Variants in RBM34 observed in about 807,000 individuals in gnomAD.
RBM34 encodes the protein RNA-binding protein 34.
Under a neutral mutation model 44.6 loss-of-function variants are expected in RBM34, and 39 were observed. That is an observed-to-expected ratio of 0.87 (90% CI 0.68 to 1.14). The LOEUF is 1.14. RBM34 is among the 50% of genes most tolerant of loss of function. The pLI is 0.00. For synonymous variants in RBM34, 194 were observed against 184.0 expected (o/e 1.05, Z -0.44); for missense variants, 572 against 517.9 (o/e 1.10, Z -1.01).
Position 235,160,929 on chromosome 1 carries a change from C to G in RBM34, c.192G>C (p.Glu64Asp). 6.2e-7 allele frequency: 1 copy of G among 1,614,156 alleles called. No homozygotes were observed. Residue 64 changes from glutamate to aspartate, a missense_variant, in exon 2 of 11, where the codon GAG (glutamate) becomes GAC (aspartate). Coordinates refer to ENST00000408888, the MANE Select transcript of RBM34 (RefSeq NM_015014.4). Reference sequence around the variant, plus strand: ...GCACGTACACGGGTTGAATCTGGGGCTCCAGAGAACTGAAGAGGGACGCCA... The same window carrying G: ...GCACGTACACGGGTTGAATCTGGGGGTCCAGAGAACTGAAGAGGGACGCCA... The part of the protein sequence containing the change: ...GRLASLFSSL[E>D]PQIQPVYVPV...
intron 6 of RBM34, among the ~76,000 whole-genome samples, chr1:235,147,069 A>G (rs939663872): frequency 1.3e-5 from 2 of 152,184 alleles, no homozygotes; most frequent in African/African-American, 4.8e-5. Context: ...TGTGTCTACA[A>G]TAAAATAAAA....
rs549912946 is a variant in RBM34 at position 235,161,205 on chromosome 1, T to C, written c.22A>G (p.Lys8Glu). MALEGMSKRKRKRSVQEG... is the reference protein window; with the variant it reads MALEGMSERKRKRSVQEG... ...TGGACACTTCTCTTTCTCTTCCGTT[T>C]GCTCATCCCTTCCAAGGCCATTCTT... The change falls in exon 1 of 11, where the codon AAA becomes GAA. Residue 8 changes from lysine to glutamate, a missense_variant. Lys to Glu is a moderately conservative substitution (Grantham distance 56, BLOSUM62 1). Coordinates refer to ENST00000408888, the MANE Select transcript of RBM34 (RefSeq NM_015014.4). 9 of 1,611,018 alleles carry C rather than the reference T, an allele frequency of 5.6e-6. No individual in the cohort carries two copies. In the East Asian group the frequency reaches 1.8e-4, roughly 32 times the overall value.
At chr1:235,149,690 G>A (rs917802748) in intron 5 of RBM34, among the ~76,000 whole-genome samples, 1 of 152,232 alleles carries the variant, frequency 6.6e-6, no homozygotes, top group East Asian at 1.9e-4. Flanking sequence ...AGAAATACAC[G>A]TCAACAACTA....
intron 6 of RBM34, among the ~76,000 whole-genome samples, chr1:235,140,405 C>T (rs1354292444): frequency 6.6e-6 from 1 of 152,312 alleles, no homozygotes; most frequent in African/African-American, 2.4e-5. Context: ...CAGGCCCTGC[C>T]GGCCCCGGGC....
chr1:235,155,935 T>C (rs1662424610), intron 3 of RBM34, among the ~76,000 whole-genome samples: 1 of 141,916 alleles, frequency 7.0e-6, no homozygotes, highest in African/African-American at 2.7e-5. Flanking sequence ...AGTGGCGCAA[T>C]CTCGGCTCAC....
chr1:235,132,427 A>C (rs776036526), intron 10 of RBM34, among the ~76,000 whole-genome samples: 10 of 151,576 alleles, frequency 6.6e-5, no homozygotes, highest in Non-Finnish European at 1.5e-4. Flanking sequence ...TCTTGCCTCA[A>C]CCTCTCAAGT....
At chr1:235,132,165 C>T (rs1661230599) in intron 10 of RBM34, among the ~76,000 whole-genome samples, 168 bp from the exon 11 acceptor site, 1 of 152,124 alleles carries the variant, frequency 6.6e-6, no homozygotes, top group African/African-American at 2.4e-5. Flanking sequence ...CATCACCATG[C>T]TCGTCACCAG....
In RBM34 at chr1:235,131,656, A is replaced by G; in HGVS notation, c.*57T>C. ...GAATAGCAGACGATGCTATCAGCAG[A>G]TAATAGCACTTTTATTAGCAGTACT... is the stretch of plus-strand genomic sequence containing the variant. On this transcript the variant is annotated 3_prime_UTR_variant, in exon 11 of 11. Transcript: ENST00000408888. 1 of 1,497,742 alleles carries G rather than the reference A, an allele frequency of 6.7e-7. No individual in the cohort carries two copies. Among genetic ancestry groups the G allele is most frequent in the Non-Finnish European group, 9.0e-7 (1 of 1,112,462 alleles). 92.8% of individuals were successfully genotyped at this position (1,497,742 alleles called of 1,614,324 possible).
At chr1:235,138,270 C>G in intron 6 of RBM34, 96 bp from the exon 7 acceptor site, 2 of 885,690 alleles carry the variant, frequency 2.3e-6, no homozygotes, top group South Asian at 3.5e-5. Flanking sequence ...GTTTTCAACT[C>G]TTAACACACA....
intron 10 of RBM34, among the ~76,000 whole-genome samples, chr1:235,134,715 G>A (rs1190574854): frequency 1.3e-5 from 2 of 151,412 alleles, no homozygotes; most frequent in Non-Finnish European, 2.9e-5. Context: ...ATATATTATG[G>A]CAGGTTATAA....
chr1:235,149,751 G>GA (rs2102850485), intron 5 of RBM34, among the ~76,000 whole-genome samples: 1 of 152,276 alleles, frequency 6.6e-6, no homozygotes, highest in East Asian at 1.9e-4. Flanking sequence ...AGATCAAGGT[G>GA]AAAAGATACC....
At chr1:235,148,985 G>A (rs1379545303) in intron 5 of RBM34, among the ~76,000 whole-genome samples, 1 of 151,962 alleles carries the variant, frequency 6.6e-6, no homozygotes, top group Admixed American at 6.6e-5. Flanking sequence ...AACAGGCAGG[G>A]ACTCAAAAAC....
At chr1:235,134,258 A>G (rs1048907656) in intron 10 of RBM34, among the ~76,000 whole-genome samples, 1 of 152,112 alleles carries the variant, frequency 6.6e-6, no homozygotes, top group Non-Finnish European at 1.5e-5. Flanking sequence ...TCCTGGGCTC[A>G]AGTGATCCAC....
At chr1:235,155,579 A>C (rs1572167415) in intron 3 of RBM34, among the ~76,000 whole-genome samples, 1 of 147,606 alleles carries the variant, frequency 6.8e-6, no homozygotes, top group African/African-American at 2.5e-5. Flanking sequence ...ATTTCGGCTC[A>C]CTGCAACTTC....
At chr1:235,149,670 T>G (rs1475007289) in intron 5 of RBM34, among the ~76,000 whole-genome samples, 1 of 152,108 alleles carries the variant, frequency 6.6e-6, no homozygotes, top group Admixed American at 6.6e-5. Context: ...GAAAACTTTA[T>G]GGAAGAGGCA....
intron 5 of RBM34, 162 bp downstream of exon 5, chr1:235,152,544 T>A (rs1662209006): frequency 2.2e-6 from 3 of 1,366,190 alleles, no homozygotes; most frequent in Non-Finnish European, 2.8e-6. Context: ...AGTTCAAGAG[T>A]CAGCAGTAGA....
intron 3 of RBM34, among the ~76,000 whole-genome samples, chr1:235,159,278 G>A (rs1024179094): frequency 6.6e-6 from 1 of 151,906 alleles, no homozygotes; most frequent in Non-Finnish European, 1.5e-5. Flanking sequence ...TCGGCCAGGT[G>A]TGATGGCTCA....
intron 10 of RBM34, among the ~76,000 whole-genome samples, chr1:235,134,294 G>T (rs1661325058): frequency 6.6e-6 from 1 of 152,128 alleles, no homozygotes; most frequent in East Asian, 1.9e-4. Flanking sequence ...AAAGTGGTGG[G>T]ATTACAGGCG....
chr1:235,159,356 A>G (rs1662591497), intron 3 of RBM34, among the ~76,000 whole-genome samples: 1 of 151,826 alleles, frequency 6.6e-6, no homozygotes, highest in Non-Finnish European at 1.5e-5. Context: ...TCGAGACCAG[A>G]CTGGTCAATA....
Sources: gnomAD v4.1 joint callset for allele counts (sites outside exome capture counted in the v4.1 genomes callset) on GRCh38, gnomAD v4.1.1 for gene constraint, MANE v1.5 for transcripts, NCBI Gene and HGNC (gene_info 2026-07-23, HGNC 2026-07-21) for gene names.